ZNF808: variants seen among roughly 807,000 people sequenced by gnomAD.
The protein encoded by ZNF808 is zinc finger protein 808.
A neutral mutation model predicts 8.7 loss-of-function variants in ZNF808; 5 were observed. The ratio of observed to expected loss-of-function variants is 0.58; its 90% CI spans 0.30 to 1.21. ZNF808 has a LOEUF of 1.21. Ranked by LOEUF, ZNF808 falls within the 50% of genes most tolerant of loss-of-function variation. The pLI is 0.07. For synonymous variants in ZNF808, 380 were observed against 366.0 expected, an observed-to-expected ratio of 1.04 and a Z score of -0.44; for missense variants, 1,103 against 1,098.4, an observed-to-expected ratio of 1.00 and a Z score of -0.06.
chr19:52,553,466 A>G lies in ZNF808; in HGVS notation c.550A>G (p.Thr184Ala), dbSNP rs779000962. Residue 184 changes from threonine (T) to alanine (A), a missense_variant, in exon 5 of 5, where the codon ACC becomes GCC. By Grantham distance (58) the Thr-to-Ala change is moderately conservative. Transcript: ENST00000359798. ...AATTGCTAATCAACTTGAGAAGTCT[A>G]CCAGTGATGCTTCCTCAGTTTCAAC... ...GEIANQLEKS[T>A]SDASSVSTSQ... 1.2e-6 allele frequency: 2 copies of G among 1,614,188 alleles called. No homozygotes were observed. The highest frequency in any genetic ancestry group is 4.5e-5 in the East Asian group (2 of 44,882).
intron 3 of ZNF808, among the ~76,000 whole-genome samples, chr19:52,543,844 ATTT>A (rs33909825): frequency 6.8e-6 from 1 of 147,452 alleles, no homozygotes; most frequent in African/African-American, 2.5e-5. Flanking sequence ...CTGTGTCCAA[ATTT>A]TTTTTTTTTT....
At chr19:52,564,056 G>A in exon 4 of ZNF808, 1 of 615,706 alleles carries the variant, frequency 1.6e-6, no homozygotes, top group South Asian at 1.5e-5. Context: ...CATGGTGTGT[G>A]CTTGACTCCA....
chr19:52,532,384 C>T (rs2059568855), intron 1 of ZNF808, among the ~76,000 whole-genome samples: 1 of 152,030 alleles, frequency 6.6e-6, no homozygotes, highest in Non-Finnish European at 1.5e-5. Context: ...CGCCACCACG[C>T]CTGGCTGATT....
At chr19:52,535,825 C>T (rs2059603804) in intron 2 of ZNF808, among the ~76,000 whole-genome samples, 1 of 152,132 alleles carries the variant, frequency 6.6e-6, no homozygotes, top group African/African-American at 2.4e-5. Flanking sequence ...CTCCAAACAC[C>T]GAAAAAAACA....
At chr19:52,537,653 A>C (rs1326748664) in intron 2 of ZNF808, among the ~76,000 whole-genome samples, 3 of 150,584 alleles carry the variant, frequency 2.0e-5, no homozygotes, top group African/African-American at 4.9e-5. Context: ...ATGCCACTGT[A>C]CTCCAGCCTG....
Position 52,547,377 on chromosome 19 carries a change from A to G in ZNF808, c.64-135A>G, listed in dbSNP as rs541603503. ...ATGCAACTATACGGAAAAAATAGTC[A>G]AAAATACCTTAACATCCTTTTGTCA... is the stretch of plus-strand genomic sequence containing the variant. On this transcript the variant is annotated intron_variant, in intron 3 of 4. Transcript: ENST00000359798. The G allele has an allele frequency of 1.8e-5, 28 of 1,523,820 alleles. No homozygotes were observed. The Admixed American group carries it at 6.5e-4, about 35-fold the overall frequency. The allele number at this position is 1,523,820 out of a possible 1,614,324, so 94.4% of individuals were successfully genotyped here. A position where few individuals can be genotyped will look rare whatever the true frequency, so the allele number is the denominator to read the frequency against.
chr19:52,566,145 T>TTATATA (rs149929472), downstream of ZNF808, among the ~76,000 whole-genome samples: 3 of 150,772 alleles, frequency 2.0e-5, no homozygotes, highest in Admixed American at 1.3e-4. Flanking sequence ...GTGAAAGATT[T>TTATATA]TATATATATA....
chr19:52,561,210 CTCTATATATATA>C (rs1355839251), downstream of ZNF808, among the ~76,000 whole-genome samples: 244 of 29,450 alleles, frequency 8.3e-3, no homozygotes, highest in Middle Eastern at 0.024. Context: ...CTCTCTCTCT[CTCTATATATATA>C]TATATATATA....
At position 52,553,339 on chromosome 19, in the gene ZNF808, A is replaced by C; in HGVS notation, c.423A>C (p.Gln141His). 1 of 1,614,138 alleles carries C rather than the reference A, an allele frequency of 6.2e-7. No individual in the cohort carries two copies. The highest frequency in any genetic ancestry group is 8.5e-7 in the Non-Finnish European group (1 of 1,179,954). ...KIKKLTGSTD[Q>H]HDHRHAGNKP... ...AAAAGTTGACTGGTAGCACAGACCA[A>C]CATGATCACAGGCATGCTGGAAACA... The change falls in exon 5 of 5, where the codon CAA becomes CAC. Residue 141 changes from glutamine to histidine, a missense_variant. Transcript: ENST00000359798.
chr19:52,537,147 T>C (rs868459005), intron 2 of ZNF808, among the ~76,000 whole-genome samples: 55 of 151,712 alleles, frequency 3.6e-4, no homozygotes, highest in Middle Eastern at 6.8e-3. Context: ...GATCGCACCA[T>C]TGCACTCCAG....
rs774988629 is a variant in ZNF808 at position 52,561,578 on chromosome 19, G to A, written c.*423-1740G>A. ...TTTTTTTTTTTTGAGACGGAGTTTC[G>A]TTCTTGTTTCCCAGGCTGGAGTGCA... On this transcript the variant is annotated intron_variant and NMD_transcript_variant, in intron 3 of 3. Transcript: ENST00000487863. 1.0e-4 allele frequency among the ~76,000 whole-genome samples: 15 copies of A among 148,618 alleles called. No individual in the cohort carries two copies. The East Asian group carries it at 2.0e-3, about 20-fold the overall frequency.
In ZNF808 at chr19:52,554,557, T is replaced by G. The variant is rs199977771; in HGVS notation, c.1641T>G (p.Val547=). Residue 547 remains valine (V), a synonymous_variant, in exon 5 of 5, where the codon GTT becomes GTG. Transcript: ENST00000359798. ...ACAAATGTACGGTTTGTAACAAGGT[T>G]TTCATGCGTAATTCAGTCCTGGCTG... ...KSYKCTVCNK[V]FMRNSVLAVH... 3.5e-4 allele frequency: 570 copies of G among 1,613,884 alleles called. 1 individual carries two copies. The African/African-American group carries it at 5.8e-3, about 16-fold the overall frequency.
rs79394963 is a variant in ZNF808, at chr19:52,528,285, T to C, written c.-122+574T>C. Among the ~76,000 whole-genome samples, 154 of 152,144 alleles carry C rather than the reference T, an allele frequency of 1.0e-3. 4 individuals carry two copies. The East Asian group carries it at 0.029, about 29-fold the overall frequency. On this transcript the variant is annotated intron_variant, in intron 1 of 4. Transcript: ENST00000359798. ...CAGGGCCCTGTCCTGTGACATGGGG[T>C]CTTCTTGCCTGCCGAGCTCCAGCCC...
downstream of ZNF808, among the ~76,000 whole-genome samples, chr19:52,567,768 G>A (rs190093678): frequency 5.9e-4 from 90 of 151,968 alleles, no homozygotes; most frequent in Admixed American, 5.3e-3. Context: ...CAGGCCATCC[G>A]CCGTCCTCAG....
chr19:52,546,399 C>T (rs1336335913), intron 3 of ZNF808, among the ~76,000 whole-genome samples: 2 of 152,042 alleles, frequency 1.3e-5, no homozygotes, highest in South Asian at 2.1e-4. Context: ...TGTTCCCAGG[C>T]GGGTCTCAAA....
chr19:52,567,814 C>T (rs1211354383), downstream of ZNF808, among the ~76,000 whole-genome samples: 3 of 152,166 alleles, frequency 2.0e-5, no homozygotes, highest in African/African-American at 2.4e-5. Context: ...CTTGAGCCAC[C>T]GCGCCCGGCC....
chr19:52,537,248 G>C (rs1242592231), intron 2 of ZNF808, among the ~76,000 whole-genome samples: 1 of 152,010 alleles, frequency 6.6e-6, no homozygotes, highest in Non-Finnish European at 1.5e-5. Flanking sequence ...AGGAGTAATA[G>C]AGGGAAGAAG....
chr19:52,542,448 G>T (rs1046461460), intron 2 of ZNF808, among the ~76,000 whole-genome samples: 3 of 147,720 alleles, frequency 2.0e-5, no homozygotes, highest in Non-Finnish European at 4.4e-5. Flanking sequence ...TCTCTAGGAT[G>T]CTCTTCCCCT....
chr19:52,554,204 G>A lies in ZNF808; in HGVS notation c.1288G>A (p.Glu430Lys). 6.2e-7 allele frequency: 1 copy of A among 1,613,558 alleles called. No homozygotes were observed. Among genetic ancestry groups the A allele is most frequent in the Non-Finnish European group, 8.5e-7 (1 of 1,179,700 alleles). Residue 430 changes from glutamate to lysine, a missense_variant, in exon 5 of 5, where the codon GAA (glutamate) becomes AAA (lysine). By Grantham distance (56) the Glu-to-Lys change is moderately conservative. Transcript: ENST00000359798. ...TACTGGAGAGAAACCTTACAAATGTGAAGAATGTGACAAAGTTTTCAGTCA... is the reference window on the plus strand; with the variant it reads ...TACTGGAGAGAAACCTTACAAATGTAAAGAATGTGACAAAGTTTTCAGTCA... ...LHTGEKPYKC[E>K]ECDKVFSQKS...
Sources: gnomAD v4.1 joint callset for allele counts (sites outside exome capture counted in the v4.1 genomes callset) on GRCh38, gnomAD v4.1.1 for gene constraint, MANE v1.5 for transcripts, NCBI Gene and HGNC (gene_info 2026-07-23, HGNC 2026-07-21) for gene names.